Variants in KIF12 observed in about 807,000 individuals in gnomAD.
KIF12 encodes kinesin family member 12, also known as kinesin-like protein KIF12.
Under a neutral mutation model 87.9 loss-of-function variants are expected in KIF12, and 80 were observed. The observed-to-expected ratio is 0.91, with a 90% CI of 0.76 to 1.10. The LOEUF (loss-of-function observed/expected upper bound fraction) is 1.10, where lower values mean the gene tolerates loss of function less well. KIF12 is among the 50% of genes least tolerant of loss of function. The probability of loss-of-function intolerance (pLI) is 0.00; values close to 1 mark genes in which losing one functional copy is unlikely to be tolerated. For missense variants in KIF12, 819 were observed against 865.3 expected (o/e 0.95, Z 0.67); for synonymous variants, 353 against 348.5 (o/e 1.01, Z -0.14).
chr9:114,096,292 T>G, intron 8 of KIF12, 85 bp from the exon 9 acceptor site: 1 of 1,600,352 alleles, frequency 6.2e-7, no homozygotes, highest in Non-Finnish European at 8.5e-7. Context: ...TTTCCATTAT[T>G]AACCCCCATG....
At chr9:114,098,465 G>C in intron 3 of KIF12, 36 bp from the exon 4 acceptor site, 1 of 1,456,366 alleles carries the variant, frequency 6.9e-7, no homozygotes, top group Non-Finnish European at 9.0e-7. Context: ...GGGCACTCTG[G>C]AGGAGGGCGG....
In KIF12 at chr9:114,093,226, T is replaced by G; in HGVS notation, c.1596+3A>C. The G allele has an allele frequency of 6.4e-7, 1 of 1,550,424 alleles. No individual in the cohort carries two copies. The highest frequency in any genetic ancestry group is 8.7e-7 in the Non-Finnish European group (1 of 1,145,724). ...CCCTCACTCCCACCATGGCCTTTCC[T>G]ACCTGGGGCAGGTGGTGCTCCCCTG... On this transcript the variant is annotated splice_donor_region_variant and intron_variant, in intron 16 of 18. Transcript: ENST00000640217.
rs1321476648 is a variant in KIF12, at chr9:114,092,451, C to T, written c.1698G>A (p.Arg566=). Residue 566 remains arginine (R), a splice_region_variant and synonymous_variant, in exon 18 of 19, where the codon AGG becomes AGA. Transcript: ENST00000640217. Reference sequence around the variant, plus strand: ...GGGTCTGAGTCCAGTCACTGTGACTCCTGGGCCAGGGTGAGTTGGGAGATG... The same window carrying T: ...GGGTCTGAGTCCAGTCACTGTGACTTCTGGGCCAGGGTGAGTTGGGAGATG... ...SPGSAKCPRE[R]SHSDWTQTRV... is the part of the protein sequence containing the mutation. 6.2e-7 allele frequency: 1 copy of T among 1,613,742 alleles called. No homozygotes were observed.
intron 3 of KIF12, 57 bp from the exon 4 acceptor site, chr9:114,098,486 A>AGGGGCGGGGCACCGTGGAGG: frequency 8.9e-7 from 1 of 1,120,970 alleles, no homozygotes; most frequent in East Asian, 5.3e-5. Context: ...GGCACCCTGG[A>AGGGGCGGGGCACCGTGGAGG]GGGGCGGGGC....
chr9:114,092,763 G>C, intron 16 of KIF12, 121 bp from the exon 17 acceptor site: 1 of 1,496,496 alleles, frequency 6.7e-7, no homozygotes. Context: ...AGAATGTCAG[G>C]ATGGCATAAA....
Position 114,097,567 on chromosome 9 carries a change from T to C in KIF12, c.510+40A>G, listed in dbSNP as rs761304246. 1.7e-5 allele frequency: 28 copies of C among 1,610,182 alleles called. No homozygotes were observed. The Admixed American group carries it at 4.5e-4, about 26-fold the overall frequency. On this transcript the variant is annotated intron_variant, in intron 6 of 18. Transcript: ENST00000640217. ...GGCTCCCTGGAAAGAAGCGCTCCGT[T>C]TCCTCATGGGCTGTCTTTCTATTCC...
intron 14 of KIF12, 69 bp downstream of exon 14, chr9:114,093,817 A>C: frequency 7.3e-7 from 1 of 1,369,222 alleles, no homozygotes; most frequent in South Asian, 1.2e-5. Context: ...CAAGCAGTTC[A>C]TTAAGCCATC....
chr9:114,091,735 C>A lies in KIF12; in HGVS notation c.*126G>T. On this transcript the variant is annotated 3_prime_UTR_variant, in exon 19 of 19. Coordinates refer to ENST00000640217, the MANE Select transcript of KIF12 (RefSeq NM_001388308.1). ...CCCTAAATAGCACCCCCAGTCCCCGCCCCTAGCCCAGCTGCAGGTGGAGTA... is the reference window on the plus strand; with the variant it reads ...CCCTAAATAGCACCCCCAGTCCCCGACCCTAGCCCAGCTGCAGGTGGAGTA... The A allele has an allele frequency of 9.6e-7, 1 of 1,039,002 alleles. No individual in the cohort carries two copies. The highest frequency in any genetic ancestry group is 1.4e-6 in the Non-Finnish European group (1 of 736,316). The allele number at this position is 1,039,002 out of a possible 1,614,324, so 64.4% of individuals were successfully genotyped here.
At chr9:114,098,258 G>T in intron 4 of KIF12, 44 bp downstream of exon 4, 1 of 1,507,978 alleles carries the variant, frequency 6.6e-7, no homozygotes, top group Non-Finnish European at 8.8e-7. Flanking sequence ...GTGCTTCGGG[G>T]CCCCGCCAGG....
At position 114,098,104 on chromosome 9, in the gene KIF12, C is replaced by A. The variant is rs1279949128; in HGVS notation, c.375+11G>T. On this transcript the variant is annotated intron_variant, in intron 5 of 18. Transcript: ENST00000640217. ...CCCCGCCCCGCGGGGGCGCCGCCGG[C>A]GCTCGCTCACCTGGGGAGGGGGTCC... 5.2e-6 allele frequency: 8 copies of A among 1,543,836 alleles called. No individual in the cohort carries two copies. The African/African-American group carries it at 9.6e-5, about 19-fold the overall frequency.
intron 2 of KIF12, 23 bp from the exon 3 acceptor site, chr9:114,099,036 A>G (rs1179146990): frequency 6.5e-7 from 1 of 1,550,344 alleles, no homozygotes; most frequent in South Asian, 1.2e-5. Flanking sequence ...AGAAGGGCAG[A>G]TGGTACATCC....
Position 114,098,400 on chromosome 9 carries a change from C to A in KIF12, c.201G>T (p.Val67=). The A allele has an allele frequency of 6.6e-7, 1 of 1,512,816 alleles. No individual in the cohort carries two copies. Among genetic ancestry groups the A allele is most frequent in the African/African-American group, 1.4e-5 (1 of 69,408 alleles). 93.7% of individuals were successfully genotyped at this position (1,512,816 alleles called of 1,614,324 possible). A position where few individuals can be genotyped will look rare whatever the true frequency, so the allele number is the denominator to read the frequency against. ...QVSPPGGGPE[V]AFRFGAVLDA... is the part of the protein sequence containing the mutation. ...CTAGCACCGCACCGAAGCGGAACGC[C>A]ACTTCTGGACCCCCGCCTGGAGGAC... The change falls in exon 4 of 19, where the codon GTG becomes GTT. Residue 67 remains valine, a synonymous_variant. Coordinates refer to ENST00000640217, the MANE Select transcript of KIF12 (RefSeq NM_001388308.1).
chr9:114,098,059 A>G lies in KIF12; in HGVS notation c.375+56T>C, dbSNP rs368229252. 44 of 1,488,168 alleles carry G rather than the reference A, an allele frequency of 3.0e-5. No individual in the cohort carries two copies. The African/African-American group carries it at 4.1e-4, about 14-fold the overall frequency. The allele number at this position is 1,488,168 out of a possible 1,614,324, so 92.2% of individuals were successfully genotyped here. On this transcript the variant is annotated intron_variant, in intron 5 of 18. Coordinates refer to ENST00000640217, the MANE Select transcript of KIF12 (RefSeq NM_001388308.1). ...GAGTCTGCGCCGCCTGCGGCTCCCC[A>G]GGGCTTCCAGCCCACCCAGCCCCGC... is the stretch of plus-strand genomic sequence containing the variant.
intron 5 of KIF12, 91 bp downstream of exon 5, chr9:114,098,024 T>C (rs1847308509): frequency 6.2e-6 from 8 of 1,285,808 alleles, no homozygotes; most frequent in Non-Finnish European, 7.4e-6. Flanking sequence ...TCCCAGCCCC[T>C]TCCCTCTGGG....
intron 11 of KIF12, among the ~76,000 whole-genome samples, 175 bp from the exon 12 acceptor site, chr9:114,094,630 C>T (rs927590494): frequency 2.0e-5 from 3 of 152,204 alleles, no homozygotes; most frequent in African/African-American, 7.2e-5. Flanking sequence ...GTCCTAAGTG[C>T]ACTGTCCTGG....
rs1269880881 is a variant in KIF12 at position 114,098,171 on chromosome 9, T to C, written c.319A>G (p.Thr107Ala). 2.3e-5 allele frequency: 35 copies of C among 1,547,512 alleles called. No individual in the cohort carries two copies. Among genetic ancestry groups the C allele is most frequent in the Non-Finnish European group, 2.8e-5 (32 of 1,146,056 alleles). ...ALRGFSCTVF[T>A]FGQTGSGKTY... ...TTCCCAGAGCCCGTCTGGCCAAAGG[T>C]GAAAACAGTGCAGGAGAAACTGCGG... Residue 107 changes from threonine (T) to alanine (A), a missense_variant, in exon 5 of 19, where the codon ACC becomes GCC. Transcript: ENST00000640217.
chr9:114,098,570 G>T (rs1298091569), intron 3 of KIF12, 141 bp from the exon 4 acceptor site: 2 of 513,320 alleles, frequency 3.9e-6, no homozygotes, highest in Non-Finnish European at 6.4e-6. Flanking sequence ...CTGGAGAAGG[G>T]TAGGGCGCTC....
At chr9:114,096,353 C>A (rs757588159) in intron 8 of KIF12, 34 bp downstream of exon 8, 2 of 1,604,270 alleles carry the variant, frequency 1.2e-6, no homozygotes, top group East Asian at 2.2e-5. Flanking sequence ...CTTGGTGGCC[C>A]CGGGTAAGCA....
chr9:114,091,924 G>C lies in KIF12; in HGVS notation c.1893C>G (p.Gly631=). ...RDQIGSSLRR[G]RSQPPCSEGA... is the part of the protein sequence containing the mutation. ...CCTCACTGCAGGGTGGCTGGCTGCG[G>C]CCACGTCGCAGGGAGCTGCCAATCT... Residue 631 remains glycine, a synonymous_variant, in exon 19 of 19, where the codon GGC becomes GGG. Coordinates refer to ENST00000640217, the MANE Select transcript of KIF12 (RefSeq NM_001388308.1). 1 of 1,612,682 alleles carries C rather than the reference G, an allele frequency of 6.2e-7. No homozygotes were observed. The highest frequency in any genetic ancestry group is 2.2e-5 in the East Asian group (1 of 44,864).
Sources: allele counts gnomAD v4.1 joint callset (sites outside exome capture counted in the v4.1 genomes callset), GRCh38; gene constraint gnomAD v4.1.1; transcripts MANE v1.5; gene names NCBI Gene and HGNC (gene_info 2026-07-23, HGNC 2026-07-21).